Variants in ADGRL3 observed in about 807,000 individuals in gnomAD.
ADGRL3 encodes the protein calcium-independent alpha-latrotoxin receptor 3.
Under a neutral mutation model 153.5 loss-of-function variants are expected in ADGRL3, and 62 were observed. The ratio of observed to expected loss-of-function variants is 0.40; its 90% CI spans 0.33 to 0.50. The LOEUF is 0.50. ADGRL3 is among the 20% of genes least tolerant of loss of function. ADGRL3 has a pLI of 0.47. For synonymous variants in ADGRL3, 710 were observed against 672.5 expected, an observed-to-expected ratio of 1.06 and a Z score of -0.86; for missense variants, 1,641 against 1,859.4, an observed-to-expected ratio of 0.88 and a Z score of 2.16.
intron 6 of ADGRL3, among the ~76,000 whole-genome samples, chr4:61,725,329 A>C (rs1304491632): frequency 6.6e-6 from 1 of 152,078 alleles, no homozygotes; most frequent in Non-Finnish European, 1.5e-5. Flanking sequence ...ATGTCTACTT[A>C]AGGCTGGGTG....
intron 1 of ADGRL3, among the ~76,000 whole-genome samples, chr4:61,216,234 G>A (rs1203954329): frequency 2.6e-5 from 4 of 152,024 alleles, no homozygotes; most frequent in Non-Finnish European, 5.9e-5. Flanking sequence ...GTGACATAAT[G>A]AAGATGTTTT....
intron 1 of ADGRL3, among the ~76,000 whole-genome samples, chr4:61,343,340 C>T (rs2095843396): frequency 1.3e-5 from 2 of 152,186 alleles, no homozygotes; most frequent in Non-Finnish European, 1.5e-5. Flanking sequence ...ATTGTCAATA[C>T]ATTGATTTTC....
chr4:61,254,290 C>T (rs1016408515), intron 1 of ADGRL3, among the ~76,000 whole-genome samples: 2 of 151,984 alleles, frequency 1.3e-5, no homozygotes, highest in Non-Finnish European at 2.9e-5. Flanking sequence ...AACTCAGAAG[C>T]CTCATGGGTC....
At chr4:61,886,374 T>A (rs1000843663) in intron 9 of ADGRL3, among the ~76,000 whole-genome samples, 1 of 152,084 alleles carries the variant, frequency 6.6e-6, no homozygotes, top group Non-Finnish European at 1.5e-5. Context: ...CTTGGGAAGG[T>A]TTCTTCAGTA....
At chr4:61,315,548 G>A (rs1323854058) in intron 1 of ADGRL3, among the ~76,000 whole-genome samples, 1 of 152,128 alleles carries the variant, frequency 6.6e-6, no homozygotes, top group Admixed American at 6.6e-5. Flanking sequence ...TATAGCTCAC[G>A]TGATCCTGGT....
intron 11 of ADGRL3, among the ~76,000 whole-genome samples, chr4:61,906,749 C>T (rs2098697744): frequency 6.6e-6 from 1 of 151,044 alleles, no homozygotes; most frequent in Non-Finnish European, 1.5e-5. Context: ...GTTAGGCTTT[C>T]CTACATACAT....
At chr4:61,955,310 G>A (rs1016595372) in intron 17 of ADGRL3, among the ~76,000 whole-genome samples, 6 of 151,956 alleles carry the variant, frequency 3.9e-5, no homozygotes, top group Non-Finnish European at 5.9e-5. Flanking sequence ...CTGATTACTT[G>A]TACCTCAGAT....
At chr4:61,312,342 A>T (rs1211132199) in intron 1 of ADGRL3, among the ~76,000 whole-genome samples, 1 of 152,174 alleles carries the variant, frequency 6.6e-6, no homozygotes, top group Non-Finnish European at 1.5e-5. Context: ...CATATGAGAA[A>T]ATCTAGGTGA....
intron 1 of ADGRL3, among the ~76,000 whole-genome samples, chr4:61,268,104 G>T (rs2092957787): frequency 1.3e-5 from 2 of 151,644 alleles, no homozygotes; most frequent in South Asian, 4.1e-4. Flanking sequence ...CTCAAACACG[G>T]ATTCAAGTTC....
intron 21 of ADGRL3, among the ~76,000 whole-genome samples, chr4:62,016,918 A>G (rs1162738587): frequency 6.6e-6 from 1 of 151,970 alleles, no homozygotes; most frequent in Non-Finnish European, 1.5e-5. Flanking sequence ...TGCTGGGTTA[A>G]TTTGTATATA....
chr4:61,998,726 C>T (rs554096980), intron 21 of ADGRL3, among the ~76,000 whole-genome samples: 5 of 152,058 alleles, frequency 3.3e-5, no homozygotes, highest in East Asian at 1.9e-4. Context: ...CAGGTGCCCA[C>T]GACCATGCCC....
chr4:61,767,538 G>A (rs767711578), intron 8 of ADGRL3, among the ~76,000 whole-genome samples: 1 of 152,146 alleles, frequency 6.6e-6, no homozygotes, highest in East Asian at 1.9e-4. Flanking sequence ...GGGGGCTTCC[G>A]AGGCAATCGG....
chr4:61,714,029 A>G (rs2096057138), intron 6 of ADGRL3, among the ~76,000 whole-genome samples: 1 of 152,134 alleles, frequency 6.6e-6, no homozygotes, highest in Admixed American at 6.6e-5. Flanking sequence ...CCCCTCTTTT[A>G]TGCCTGCAGG....
intron 2 of ADGRL3, among the ~76,000 whole-genome samples, chr4:61,467,964 T>A (rs1372776354): frequency 6.6e-6 from 1 of 152,172 alleles, no homozygotes; most frequent in Non-Finnish European, 1.5e-5. Flanking sequence ...TATACACATG[T>A]TGCTTTCTTT....
intron 8 of ADGRL3, among the ~76,000 whole-genome samples, chr4:61,799,648 G>C (rs997061480): frequency 2.6e-5 from 4 of 152,006 alleles, no homozygotes; most frequent in Non-Finnish European, 5.9e-5. Context: ...GTTAAAGATA[G>C]TGTTTTGAAC....
At chr4:61,444,822 G>A (rs902378881) in intron 2 of ADGRL3, among the ~76,000 whole-genome samples, 3 of 152,156 alleles carry the variant, frequency 2.0e-5, no homozygotes, top group African/African-American at 7.2e-5. Flanking sequence ...GGAGGCAGAG[G>A]TGGGTGGGTC....
intron 4 of ADGRL3, among the ~76,000 whole-genome samples, chr4:61,584,335 C>T (rs2098937802): frequency 6.6e-6 from 1 of 152,000 alleles, no homozygotes; most frequent in East Asian, 1.9e-4. Flanking sequence ...AATTGCCATA[C>T]CCATAACTTT....
intron 4 of ADGRL3, among the ~76,000 whole-genome samples, chr4:61,574,312 A>G (rs2098854114): frequency 1.3e-5 from 2 of 151,956 alleles, no homozygotes; most frequent in Admixed American, 1.3e-4. Context: ...AATAAATAGA[A>G]TAATTGCAAT....
At chr4:61,928,836 A>C (rs996351180) in intron 13 of ADGRL3, among the ~76,000 whole-genome samples, 1 of 152,110 alleles carries the variant, frequency 6.6e-6, no homozygotes, top group Non-Finnish European at 1.5e-5. Flanking sequence ...GGATGCTTTC[A>C]GTTTTCCTAT....
Sources: gnomAD v4.1 joint callset for allele counts (sites outside exome capture counted in the v4.1 genomes callset) on GRCh38, gnomAD v4.1.1 for gene constraint, MANE v1.5 for transcripts, NCBI Gene and HGNC (gene_info 2026-07-23, HGNC 2026-07-21) for gene names.